LHFPL7: variants seen among roughly 807,000 people sequenced by gnomAD.
LHFPL7 encodes LHFPL tetraspan subfamily member 7.
the LHFPL7 span, among the ~76,000 whole-genome samples, chr22:24,945,090 G>A: frequency 6.6e-6 from 1 of 152,160 alleles, no homozygotes; most frequent in Non-Finnish European, 1.5e-5. Context: ...TTACAGGTGT[G>A]AGCCACCGCG....
At chr22:24,939,564 CA>C in the LHFPL7 span, 608 of 702,246 alleles carry the variant, frequency 8.7e-4, 2 homozygotes, top group African/African-American at 9.7e-3. Context: ...TAGGGGTCAA[CA>C]GGGAAGATTA....
chr22:24,944,915 T>C, the LHFPL7 span, among the ~76,000 whole-genome samples: 3 of 151,862 alleles, frequency 2.0e-5, no homozygotes, highest in African/African-American at 7.3e-5. Context: ...GTTCAAGCAA[T>C]TCTCCTGCCT....
the LHFPL7 span, among the ~76,000 whole-genome samples, chr22:24,937,906 GA>G: frequency 2.0e-5 from 3 of 152,158 alleles, no homozygotes; most frequent in Admixed American, 6.5e-5. Flanking sequence ...AACAAAGGGG[GA>G]CAGATTATTA....
At chr22:24,937,690 A>T in the LHFPL7 span, among the ~76,000 whole-genome samples, 1 of 152,244 alleles carries the variant, frequency 6.6e-6, no homozygotes, top group Non-Finnish European at 1.5e-5. Context: ...CCTGGCTAGT[A>T]TATTCAAAAG....
chr22:24,945,689 C>T, the LHFPL7 span, among the ~76,000 whole-genome samples: 1 of 152,178 alleles, frequency 6.6e-6, no homozygotes, highest in Non-Finnish European at 1.5e-5. Flanking sequence ...AGACACAGCT[C>T]CACACCATGA....
the LHFPL7 span, among the ~76,000 whole-genome samples, chr22:24,940,285 G>A: frequency 6.7e-6 from 1 of 148,340 alleles, no homozygotes; most frequent in Non-Finnish European, 1.5e-5. Flanking sequence ...TACCCAGTCG[G>A]GGCACCTTTT....
At chr22:24,937,048 A>G in the LHFPL7 span, among the ~76,000 whole-genome samples, 2 of 152,224 alleles carry the variant, frequency 1.3e-5, no homozygotes, top group African/African-American at 2.4e-5. Context: ...GGTGATAACC[A>G]GGCAGACAGA....
chr22:24,937,867 G>T, the LHFPL7 span, among the ~76,000 whole-genome samples: 1 of 152,124 alleles, frequency 6.6e-6, no homozygotes, highest in Non-Finnish European at 1.5e-5. Context: ...CCCTGGTAAG[G>T]ATGACATGAA....
At chr22:24,935,189 C>T in the LHFPL7 span, 29 of 1,092,572 alleles carry the variant, frequency 2.7e-5, no homozygotes, top group Non-Finnish European at 3.6e-5. Flanking sequence ...TTTCATTTTC[C>T]AGAAGAAAAA....
At chr22:24,939,924 C>CTTTTTTTTTTTTTTTTTT in the LHFPL7 span, among the ~76,000 whole-genome samples, 5 of 86,990 alleles carry the variant, frequency 5.7e-5, no homozygotes, top group African/African-American at 2.2e-4. Flanking sequence ...TCATTTATCG[C>CTTTTTTTTTTTTTTTTTT]TTTTTTTTTT....
At chr22:24,942,892 AGTGTGTGTGTGTGTGTGTGTGT>A in the LHFPL7 span, among the ~76,000 whole-genome samples, 7 of 128,052 alleles carry the variant, frequency 5.5e-5, no homozygotes, top group African/African-American at 1.8e-4. Flanking sequence ...AAGGGGATAA[AGTGTGTGTGTGTGTGTGTGTGT>A]GTGTGTGTGT....
chr22:24,935,960 A>G, the LHFPL7 span, among the ~76,000 whole-genome samples: 5 of 151,560 alleles, frequency 3.3e-5, no homozygotes, highest in Non-Finnish European at 7.4e-5. Flanking sequence ...CATCCAGTAT[A>G]CCCATTTTCC....
chr22:24,945,983 C>G, the LHFPL7 span, among the ~76,000 whole-genome samples: 1 of 152,184 alleles, frequency 6.6e-6, no homozygotes, highest in Non-Finnish European at 1.5e-5. Flanking sequence ...GGACTTAACC[C>G]TTTGATGCAT....
chr22:24,937,963 A>C, the LHFPL7 span, among the ~76,000 whole-genome samples: 1 of 152,190 alleles, frequency 6.6e-6, no homozygotes, highest in Non-Finnish European at 1.5e-5. Context: ...TAAGGATGCC[A>C]TCTCTCCCTC....
the LHFPL7 span, among the ~76,000 whole-genome samples, chr22:24,936,994 G>A: frequency 1.3e-5 from 2 of 150,510 alleles, no homozygotes; most frequent in East Asian, 4.0e-4. Context: ...CTCAGCAAAT[G>A]TTTATTGGGC....
chr22:24,935,566 A>C, the LHFPL7 span: 1 of 1,613,224 alleles, frequency 6.2e-7, no homozygotes, highest in Non-Finnish European at 8.5e-7. Flanking sequence ...CCGATTGGGA[A>C]AATCAGCAGA....
At chr22:24,944,802 T>TTTTTG in the LHFPL7 span, among the ~76,000 whole-genome samples, 37 of 151,828 alleles carry the variant, frequency 2.4e-4, 2 homozygotes, top group South Asian at 1.0e-3. Context: ...GACTGGTCTT[T>TTTTTG]TTTTGTTTTG....
At chr22:24,941,900 C>G in the LHFPL7 span, among the ~76,000 whole-genome samples, 3 of 151,730 alleles carry the variant, frequency 2.0e-5, no homozygotes, top group African/African-American at 7.3e-5. Flanking sequence ...CTCCTGACCT[C>G]GTGATCCGCA....
At chr22:24,935,138 G>T in the LHFPL7 span, 1 of 667,174 alleles carries the variant, frequency 1.5e-6, no homozygotes, top group Admixed American at 3.0e-5. Flanking sequence ...CATCTCCAGT[G>T]AATTCTCAGA....
Sources: allele counts gnomAD v4.1 joint callset (sites outside exome capture counted in the v4.1 genomes callset), GRCh38; gene constraint gnomAD v4.1.1; transcripts MANE v1.5; gene names NCBI Gene and HGNC (gene_info 2026-07-23, HGNC 2026-07-21).